The following SASH1 variants were observed in gnomAD, a reference collection of about 807,000 sequenced individuals.
SASH1 encodes SAM and SH3 domain containing 1.
A neutral mutation model predicts 125.2 loss-of-function variants in SASH1; 44 were observed. The ratio of observed to expected loss-of-function variants is 0.35; its 90% CI spans 0.28 to 0.45. SASH1 has a LOEUF of 0.45. Among genes scored for constraint, SASH1 ranks in the 20% least tolerant of loss-of-function variants. The pLI, the probability that SASH1 is intolerant of heterozygous loss-of-function variation, is 1.00. For missense variants in SASH1, 1,426 were observed against 1,614.5 expected (o/e 0.88, Z 2.00); for synonymous variants, 639 against 649.1 (o/e 0.98, Z 0.24).
chr6:148,244,178 C>T, the SASH1 span, among the ~76,000 whole-genome samples: 1 of 152,216 alleles, frequency 6.6e-6, no homozygotes, highest in Admixed American at 6.5e-5. Flanking sequence ...CCTTTCCCAG[C>T]TCTAAGCCTG....
rs565026920 is a variant in SASH1, at chr6:148,527,346, A to G, written c.1285-107A>G. ...TAACACAAGAAAAACGTCAAGATCC[A>G]TGAGGAATGTCAATATTTCTGAGAG... is the stretch of plus-strand genomic sequence containing the variant. On this transcript the variant is annotated intron_variant, in intron 11 of 19. Coordinates refer to ENST00000367467, the MANE Select transcript of SASH1 (RefSeq NM_015278.5). 660 of 984,772 alleles carry G rather than the reference A, an allele frequency of 6.7e-4. 6 individuals are homozygous for G. In the African/African-American group the frequency reaches 9.8e-3, roughly 15 times the overall value. 61.0% of individuals were successfully genotyped at this position (984,772 alleles called of 1,614,324 possible).
chr6:148,305,069 T>A (rs1780089590), intron 1 of SASH1, among the ~76,000 whole-genome samples: 1 of 152,216 alleles, frequency 6.6e-6, no homozygotes, highest in Admixed American at 6.6e-5. Flanking sequence ...CAGTCTATAC[T>A]ACTCAGTTCC....
chr6:148,546,767 G>A (rs73017027), intron 19 of SASH1, among the ~76,000 whole-genome samples: 2 of 151,928 alleles, frequency 1.3e-5, no homozygotes, highest in Non-Finnish European at 2.9e-5. Flanking sequence ...ATTTTTACTT[G>A]TCCATTAAAA....
chr6:148,300,480 G>C (rs557938394), intron 1 of SASH1, among the ~76,000 whole-genome samples: 2 of 124,494 alleles, frequency 1.6e-5, no homozygotes, highest in Admixed American at 1.9e-4. Flanking sequence ...ATGGGGTCTT[G>C]CTCTGTCACC....
At position 148,519,337 on chromosome 6, in the gene SASH1, G is replaced by A. The variant is rs1780654661; in HGVS notation, c.863-210G>A. Among the ~76,000 whole-genome samples, 1 of 152,168 alleles carries A rather than the reference G, an allele frequency of 6.6e-6. No homozygotes were observed. The highest frequency in any genetic ancestry group is 2.1e-4 in the South Asian group (1 of 4,824). The stretch of plus-strand genomic sequence containing the variant: ...TGTTAGGTCTACAAAGATATTTAAA[G>A]AAGAAGAAAACACATCTGAATCCTT... On this transcript the variant is annotated intron_variant, in intron 9 of 19. Coordinates refer to ENST00000367467, the MANE Select transcript of SASH1 (RefSeq NM_015278.5). This position sits in a 1 kb window ranked among gnomAD's most constrained non-coding sequence, Gnocchi z 4.8.
chr6:148,423,159 C>T (rs1268218053), intron 2 of SASH1, among the ~76,000 whole-genome samples: 1 of 152,146 alleles, frequency 6.6e-6, no homozygotes, highest in Non-Finnish European at 1.5e-5. Context: ...GGATGGTCTC[C>T]ATCTCTTGAC....
At chr6:148,449,108 AC>A (rs1045839909) in intron 4 of SASH1, among the ~76,000 whole-genome samples, 2 of 51,476 alleles carry the variant, frequency 3.9e-5, no homozygotes, top group Non-Finnish European at 8.4e-5. Flanking sequence ...ACAGAGTCTC[AC>A]CCAGGCTGGA....
intron 1 of SASH1, among the ~76,000 whole-genome samples, chr6:148,366,585 A>C (rs995484965): frequency 5.3e-4 from 81 of 152,034 alleles, no homozygotes; most frequent in African/African-American, 1.9e-3. Flanking sequence ...GAAAATAGGG[A>C]TTCCATTTGT....
Position 148,527,266 on chromosome 6 carries a change from A to C in SASH1, c.1285-187A>C, listed in dbSNP as rs1030975559. ...ACTCACATCCCACTTTAAGCAAACA[A>C]AAATAGTCAATAAGCTTTAATTTTT... is the stretch of plus-strand genomic sequence containing the variant. On this transcript the variant is annotated intron_variant, in intron 11 of 19. Transcript: ENST00000367467. The C allele has an allele frequency of 5.8e-6, 3 of 519,104 alleles. No homozygotes were observed. The African/African-American group carries it at 6.0e-5, about 10-fold the overall frequency. The allele number at this position is 519,104 out of a possible 1,614,324, so 32.2% of individuals were successfully genotyped here. A position where few individuals can be genotyped will look rare whatever the true frequency, so the allele number is the denominator to read the frequency against.
chr6:148,206,307 C>G, the SASH1 span, among the ~76,000 whole-genome samples: 34 of 152,154 alleles, frequency 2.2e-4, 1 homozygote, highest in South Asian at 7.1e-3. Context: ...ATCAGGGTTT[C>G]TCAAAGCTCA....
At chr6:148,438,757 CA>C (rs58204987) in intron 2 of SASH1, among the ~76,000 whole-genome samples, 448 of 79,478 alleles carry the variant, frequency 5.6e-3, no homozygotes, top group Non-Finnish European at 6.9e-3. Context: ...CCAAAACAAA[CA>C]AAAAAAAAAA....
intron 1 of SASH1, among the ~76,000 whole-genome samples, chr6:148,381,658 C>CTTTTTTTTTTT (rs1783143478): frequency 2.0e-5 from 2 of 99,022 alleles, no homozygotes; most frequent in African/African-American, 4.0e-5. Context: ...CAGAGTCTTG[C>CTTTTTTTTTTT]TTTGCTGCCC....
intron 2 of SASH1, among the ~76,000 whole-genome samples, chr6:148,392,258 C>G (rs1307300907): frequency 2.0e-5 from 3 of 149,788 alleles, no homozygotes; most frequent in Admixed American, 1.3e-4. Context: ...TGCACTCCAG[C>G]CTGGGCAACA....
rs141145744 is a variant in SASH1 at position 148,527,547 on chromosome 6, C to T, written c.1379C>T (p.Thr460Met). 45 of 1,610,456 alleles carry T rather than the reference C, an allele frequency of 2.8e-5. No homozygotes were observed. The highest frequency in any genetic ancestry group is 1.0e-4 in the South Asian group (9 of 90,088). Residue 460 changes from threonine (T) to methionine (M), a missense_variant, in exon 12 of 20, where the codon ACG (threonine) becomes ATG (methionine). Physicochemically the swap from Thr to Met is moderately conservative, Grantham distance 81. This residue lies in a region of SASH1 where 225 missense variants were observed against 344.5 expected (regional missense o/e 0.65). Coordinates refer to ENST00000367467, the MANE Select transcript of SASH1 (RefSeq NM_015278.5). The part of the protein sequence containing the change: ...LGKKVKSVKE[T>M]MRKRMSKKYS... ...AAAAAGGTGAAATCAGTGAAAGAGA[C>T]GATGAGAAAGAGAATGTCTAAAAAA...
At chr6:148,228,582 T>C in the SASH1 span, among the ~76,000 whole-genome samples, 3 of 152,324 alleles carry the variant, frequency 2.0e-5, no homozygotes, top group Admixed American at 6.5e-5. Flanking sequence ...TCAAATGGAT[T>C]TGGGGAGGTG....
intron 1 of SASH1, among the ~76,000 whole-genome samples, chr6:148,352,993 A>T (rs1192146090): frequency 6.6e-6 from 1 of 152,192 alleles, no homozygotes; most frequent in Admixed American, 6.6e-5. Flanking sequence ...GTGAGTTATT[A>T]TTAACTACTA....
At chr6:148,440,450 T>TG in intron 4 of SASH1, 43 bp downstream of exon 4, 2 of 1,555,226 alleles carry the variant, frequency 1.3e-6, no homozygotes, top group Non-Finnish European at 1.8e-6. Context: ...TCCAAGAAGG[T>TG]GTCTTTTAGG....
chr6:148,364,258 A>G (rs539388171), intron 1 of SASH1, among the ~76,000 whole-genome samples: 1 of 152,248 alleles, frequency 6.6e-6, no homozygotes, highest in South Asian at 2.1e-4. Context: ...GAGGAAAAGG[A>G]AAGTTTTCAC....
At chr6:148,258,704 A>C in the SASH1 span, among the ~76,000 whole-genome samples, 1 of 152,214 alleles carries the variant, frequency 6.6e-6, no homozygotes, top group Non-Finnish European at 1.5e-5. Context: ...TCTGTAATCA[A>C]CCAAAAGCAG....
Sources: gnomAD v4.1 joint callset for allele counts (sites outside exome capture counted in the v4.1 genomes callset) on GRCh38, gnomAD v4.1.1 for gene constraint, gnomAD v4.1.1 regional missense constraint, Gnocchi (gnomAD v3.1) non-coding constraint, MANE v1.5 for transcripts, NCBI Gene and HGNC (gene_info 2026-07-23, HGNC 2026-07-21) for gene names.